The following MID1 variants were observed in gnomAD, a reference collection of about 807,000 sequenced individuals.
MID1 encodes midline 1.
In MID1, 7 loss-of-function variants were observed where a neutral mutation model predicts 40.4. The observed-to-expected ratio is 0.17, with a 90% CI of 0.10 to 0.33. The LOEUF (loss-of-function observed/expected upper bound fraction) is 0.33. MID1 is among the 10% of genes least tolerant of loss of function. The pLI is 1.00. For missense variants in MID1, 367 were observed against 558.5 expected, an observed-to-expected ratio of 0.66 and a Z score of 3.46; for synonymous variants, 229 against 221.2, an observed-to-expected ratio of 1.04 and a Z score of -0.31.
At chrX:10,577,833 A>G (rs1934913902) in intron 1 of MID1, among the ~76,000 whole-genome samples, 1 of 109,854 alleles carries the variant, frequency 9.1e-6, no homozygotes, top group South Asian at 3.9e-4. Context: ...AAAAGAAAAA[A>G]AAAAAAAAAA....
intron 1 of MID1, among the ~76,000 whole-genome samples, chrX:10,584,691 T>C (rs1983732221): frequency 8.9e-6 from 1 of 112,514 alleles, no homozygotes; most frequent in Non-Finnish European, 1.9e-5. Flanking sequence ...AATAAATAAA[T>C]TCACTGGCTA....
chrX:10,530,020 T>C (rs749893668), intron 2 of MID1, among the ~76,000 whole-genome samples: 1 of 112,143 alleles, frequency 8.9e-6, no homozygotes, highest in South Asian at 3.7e-4. Context: ...CTTTTCTCAT[T>C]GGTACCGTTG....
chrX:10,679,530 C>T (rs1171005411), intron 1 of MID1, among the ~76,000 whole-genome samples: 1 of 111,772 alleles, frequency 8.9e-6, no homozygotes, highest in Admixed American at 9.5e-5. Context: ...CAGCCATGTC[C>T]GTTCATTTGA....
intron 1 of MID1, among the ~76,000 whole-genome samples, chrX:10,604,141 T>C (rs1935582622): frequency 9.0e-6 from 1 of 111,552 alleles, no homozygotes; most frequent in African/African-American, 3.3e-5. Context: ...TTTTAACCTG[T>C]CCAGATATTC....
At chrX:10,549,638 T>C (rs778656857) in intron 2 of MID1, among the ~76,000 whole-genome samples, 12 of 113,418 alleles carry the variant, frequency 1.1e-4, no homozygotes, top group Admixed American at 8.3e-4. Flanking sequence ...AGTTTACTCA[T>C]TGTAACTGAG....
At chrX:10,649,420 A>G (rs1401865890) in intron 1 of MID1, among the ~76,000 whole-genome samples, 2 of 112,134 alleles carry the variant, frequency 1.8e-5, no homozygotes, top group African/African-American at 6.5e-5. Flanking sequence ...AATATGCTGA[A>G]GGAGAAATCT....
At chrX:10,459,009 G>A (rs1272904681) in intron 8 of MID1, among the ~76,000 whole-genome samples, 3 of 111,391 alleles carry the variant, frequency 2.7e-5, no homozygotes, top group Non-Finnish European at 5.7e-5. Context: ...GGAGATGACA[G>A]TATCATGAGA....
At chrX:10,804,558 G>A (rs901512818) in intron 1 of MID1, among the ~76,000 whole-genome samples, 10 of 111,303 alleles carry the variant, frequency 9.0e-5, no homozygotes, top group African/African-American at 3.3e-4. Flanking sequence ...TTCTTAAATC[G>A]AGTTTGAGTA....
At chrX:10,716,936 G>A (rs937307630) in intron 1 of MID1, among the ~76,000 whole-genome samples, 2 of 111,261 alleles carry the variant, frequency 1.8e-5, no homozygotes, top group Non-Finnish European at 3.8e-5. Context: ...TTCATATCCA[G>A]CCAAACTAAG....
At chrX:10,681,539 T>C (rs1468004852) in intron 1 of MID1, among the ~76,000 whole-genome samples, 3 of 112,184 alleles carry the variant, frequency 2.7e-5, no homozygotes, top group Non-Finnish European at 5.6e-5. Context: ...ACATGCTGTC[T>C]GGGTTCCAAG....
chrX:10,808,024 A>G (rs2044059984), intron 1 of MID1, among the ~76,000 whole-genome samples: 1 of 112,785 alleles, frequency 8.9e-6, no homozygotes, highest in Non-Finnish European at 1.9e-5. Context: ...TACATTCTTC[A>G]AAGACTGCAT....
intron 1 of MID1, among the ~76,000 whole-genome samples, chrX:10,831,710 G>A (rs1224702773): frequency 8.9e-6 from 1 of 111,756 alleles, no homozygotes; most frequent in African/African-American, 3.3e-5. Context: ...CCAGTAATCT[G>A]CAGTAATTCA....
At chrX:10,573,108 T>C (rs1934783181) in intron 1 of MID1, among the ~76,000 whole-genome samples, 1 of 112,626 alleles carries the variant, frequency 8.9e-6, no homozygotes, top group African/African-American at 3.2e-5. Context: ...AAAAACTTTC[T>C]TATAGATTCA....
intron 1 of MID1, among the ~76,000 whole-genome samples, chrX:10,783,534 A>C (rs2043860281): frequency 8.9e-6 from 1 of 111,849 alleles, no homozygotes; most frequent in Admixed American, 9.6e-5. Flanking sequence ...ACGCAACAGC[A>C]TCTAGCTGGT....
At chrX:10,511,687 T>A (rs1231419031) in intron 3 of MID1, among the ~76,000 whole-genome samples, 6 of 112,264 alleles carry the variant, frequency 5.3e-5, no homozygotes, top group Non-Finnish European at 1.1e-4. Context: ...CTGCACCCAG[T>A]CATAACCCAA....
intron 8 of MID1, among the ~76,000 whole-genome samples, chrX:10,459,113 G>A (rs112615877): frequency 3.8e-4 from 42 of 110,911 alleles, no homozygotes; most frequent in African/African-American, 1.3e-3. Flanking sequence ...ACTACATGCC[G>A]GTAGCATCCA....
intron 1 of MID1, among the ~76,000 whole-genome samples, chrX:10,736,247 C>T (rs925516776): frequency 2.7e-5 from 3 of 111,346 alleles, no homozygotes; most frequent in African/African-American, 9.8e-5. Flanking sequence ...CCAAAGTGCT[C>T]GGATTACAGG....
At chrX:10,700,010 T>C (rs887314996) in intron 1 of MID1, among the ~76,000 whole-genome samples, 1 of 109,720 alleles carries the variant, frequency 9.1e-6, no homozygotes, top group East Asian at 2.9e-4. Flanking sequence ...TTAGTAGAGA[T>C]GGGGTTTCTC....
At chrX:10,647,786 C>T (rs1936276944) in intron 1 of MID1, among the ~76,000 whole-genome samples, 3 of 111,213 alleles carry the variant, frequency 2.7e-5, no homozygotes, top group Admixed American at 1.9e-4. Flanking sequence ...AATCTCTGAG[C>T]GTCAGAATCA....
Sources: gnomAD v4.1 joint callset for allele counts (sites outside exome capture counted in the v4.1 genomes callset) on GRCh38, gnomAD v4.1.1 for gene constraint, MANE v1.5 for transcripts, NCBI Gene and HGNC (gene_info 2026-07-23, HGNC 2026-07-21) for gene names.